The following FOXN3 variants were observed in gnomAD, a reference collection of about 807,000 sequenced individuals.
FOXN3 encodes the protein forkhead box protein N3.
Under a neutral mutation model 38.4 loss-of-function variants are expected in FOXN3, and 7 were observed. The ratio of observed to expected loss-of-function variants is 0.18; its 90% CI spans 0.10 to 0.34. The LOEUF is 0.34. Ranked by LOEUF, FOXN3 falls within the 10% of genes least tolerant of loss-of-function variation. FOXN3 has a pLI of 1.00. For synonymous variants in FOXN3, 230 were observed against 242.2 expected, an observed-to-expected ratio of 0.95 and a Z score of 0.47; for missense variants, 456 against 613.4, an observed-to-expected ratio of 0.74 and a Z score of 2.71.
intron 1 of FOXN3, among the ~76,000 whole-genome samples, chr14:89,440,794 GCCATGAAAAGTA>G: frequency 6.6e-6 from 1 of 152,190 alleles, no homozygotes; most frequent in Non-Finnish European, 1.5e-5. Context: ...TCACACAGAT[GCCATGAAAAGTA>G]CACTGCAAAG....
chr14:89,293,495 G>C (rs1040373252), intron 3 of FOXN3, among the ~76,000 whole-genome samples: 1 of 152,178 alleles, frequency 6.6e-6, no homozygotes, highest in Non-Finnish European at 1.5e-5. Context: ...GTGTTTGCTG[G>C]TGTTCTCTGG....
chr14:89,549,249 G>T (rs1216960738), intron 1 of FOXN3, among the ~76,000 whole-genome samples: 1 of 148,720 alleles, frequency 6.7e-6, no homozygotes, highest in Non-Finnish European at 1.5e-5. Flanking sequence ...GATAACAAAT[G>T]GTAATTTTTA....
intron 1 of FOXN3, among the ~76,000 whole-genome samples, chr14:89,536,726 C>T (rs1386886572): frequency 2.0e-5 from 3 of 151,788 alleles, no homozygotes; most frequent in East Asian, 1.9e-4. Flanking sequence ...TGCAGTGAGC[C>T]GAGATCGGGC....
At chr14:89,165,316 G>A (rs1887211952) in intron 5 of FOXN3, among the ~76,000 whole-genome samples, 1 of 152,192 alleles carries the variant, frequency 6.6e-6, no homozygotes, top group African/African-American at 2.4e-5. Context: ...TACCTTGTGG[G>A]GCTGCGTGAG....
intron 3 of FOXN3, among the ~76,000 whole-genome samples, chr14:89,346,030 C>G (rs527699764): frequency 9.6e-4 from 146 of 152,238 alleles, no homozygotes; most frequent in Non-Finnish European, 1.7e-3. Context: ...TCCAGCCTGG[C>G]GACAGAGTGA....
intron 1 of FOXN3, among the ~76,000 whole-genome samples, chr14:89,431,620 T>C (rs4904572): frequency 0.63 from 96,272 of 152,034 alleles, 31,616 homozygotes; most frequent in Non-Finnish European, 0.71. Flanking sequence ...TGTTTCGATA[T>C]GTTTTATTTT....
chr14:89,217,067 A>G (rs544533111), intron 4 of FOXN3, among the ~76,000 whole-genome samples: 1 of 152,312 alleles, frequency 6.6e-6, no homozygotes, highest in East Asian at 1.9e-4. Flanking sequence ...GGGTATGTAA[A>G]TCTGGAAGCT....
At chr14:89,252,134 C>T (rs117205730) in intron 4 of FOXN3, among the ~76,000 whole-genome samples, 1 of 152,082 alleles carries the variant, frequency 6.6e-6, no homozygotes, top group Non-Finnish European at 1.5e-5. Flanking sequence ...TTCTTATGCC[C>T]GTTTAACAAA....
At chr14:89,442,389 G>A (rs1314125506) in intron 1 of FOXN3, among the ~76,000 whole-genome samples, 1 of 152,158 alleles carries the variant, frequency 6.6e-6, no homozygotes, top group South Asian at 2.1e-4. Context: ...TTAGTTAACA[G>A]GTTCAATCTT....
chr14:89,594,705 T>A (rs1361278771), intron 1 of FOXN3, among the ~76,000 whole-genome samples: 1 of 152,166 alleles, frequency 6.6e-6, no homozygotes, highest in East Asian at 1.9e-4. Flanking sequence ...TTTAGTATAG[T>A]CCAATTTTAT....
rs550392957 is a variant in FOXN3, at chr14:89,164,183, CCTGT to C, written c.852-1218_852-1215del. On this transcript the variant is annotated intron_variant, in intron 5 of 5. Transcript: ENST00000557258. This position sits in a 1 kb window ranked among gnomAD's most constrained non-coding sequence, Gnocchi z 4.3. ...GCTCCTTATGTCTGGGAGGCAGCTGCCTGTCTGTTAGTGCCTGGCGCCCAGCCTT... is the reference window on the plus strand; with the variant it reads ...GCTCCTTATGTCTGGGAGGCAGCTGCCTGTTAGTGCCTGGCGCCCAGCCTT... Among the ~76,000 whole-genome samples the C allele has an allele frequency of 2.0e-5, 3 of 152,212 alleles. No individual in the cohort carries two copies. The South Asian group carries it at 6.2e-4, about 32-fold the overall frequency.
chr14:89,404,504 CAAAAAAAAAAA>C (rs71130075), intron 2 of FOXN3, among the ~76,000 whole-genome samples: 55 of 61,038 alleles, frequency 9.0e-4, no homozygotes, highest in African/African-American at 3.0e-3. Context: ...GACTCTGTCT[CAAAAAAAAAAA>C]AAAAAAAAAA....
intron 1 of FOXN3, among the ~76,000 whole-genome samples, chr14:89,468,657 T>G (rs796327311): frequency 2.6e-5 from 4 of 152,298 alleles, no homozygotes; most frequent in African/African-American, 9.6e-5. Flanking sequence ...TGTATTGCTA[T>G]TATTTACTCC....
chr14:89,605,264 C>G (rs1201910788), intron 1 of FOXN3, among the ~76,000 whole-genome samples: 1 of 152,044 alleles, frequency 6.6e-6, no homozygotes, highest in Non-Finnish European at 1.5e-5. Context: ...GTCTAAGGTC[C>G]TTGCATTGTT....
intron 1 of FOXN3, among the ~76,000 whole-genome samples, chr14:89,517,486 A>C (rs550501376): frequency 1.4e-4 from 21 of 152,162 alleles, no homozygotes; most frequent in Non-Finnish European, 2.4e-4. Context: ...AAGCAGGCTC[A>C]TTGTACATGG....
chr14:89,510,304 G>A (rs572598584), intron 1 of FOXN3, among the ~76,000 whole-genome samples: 4 of 152,288 alleles, frequency 2.6e-5, no homozygotes, highest in South Asian at 2.1e-4. Context: ...TAGAATCTGC[G>A]ACTGGTTTGA....
intron 1 of FOXN3, among the ~76,000 whole-genome samples, chr14:89,601,667 T>C (rs568122555): frequency 1.3e-5 from 2 of 152,206 alleles, no homozygotes; most frequent in Admixed American, 6.5e-5. Context: ...CCTCTGCTTG[T>C]TGATATGCTC....
At chr14:89,286,406 T>C (rs1401020735) in intron 3 of FOXN3, among the ~76,000 whole-genome samples, 1 of 151,928 alleles carries the variant, frequency 6.6e-6, no homozygotes, top group Non-Finnish European at 1.5e-5. Flanking sequence ...GGGGAAAAAG[T>C]GGGTGTAGCA....
chr14:89,260,802 C>A (rs79898902), intron 4 of FOXN3, among the ~76,000 whole-genome samples: 3,839 of 152,296 alleles, frequency 0.025, 48 homozygotes, highest in Middle Eastern at 0.031. Flanking sequence ...TCTTAACTAA[C>A]CTTTAACATT....
Sources: gnomAD v4.1 joint callset for allele counts (sites outside exome capture counted in the v4.1 genomes callset) on GRCh38, gnomAD v4.1.1 for gene constraint, Gnocchi (gnomAD v3.1) non-coding constraint, MANE v1.5 for transcripts, NCBI Gene and HGNC (gene_info 2026-07-23, HGNC 2026-07-21) for gene names.